The following AGPAT5 variants were observed in gnomAD, a reference collection of about 807,000 sequenced individuals.
The protein encoded by AGPAT5 is 1-acylglycerol-3-phosphate O-acyltransferase 5.
In AGPAT5, 46 loss-of-function variants were observed where a neutral mutation model predicts 45.6. The observed-to-expected ratio is 1.01, with a 90% CI of 0.80 to 1.29. AGPAT5 has a LOEUF of 1.29. Ranked by LOEUF, AGPAT5 falls within the 50% of genes most tolerant of loss-of-function variation. The pLI is 0.00. For synonymous variants in AGPAT5, 272 were observed against 167.0 expected, an observed-to-expected ratio of 1.63 and a Z score of -4.85; for missense variants, 673 against 450.7, an observed-to-expected ratio of 1.49 and a Z score of -4.47.
intron 2 of AGPAT5, among the ~76,000 whole-genome samples, chr8:6,730,141 T>G (rs1394324784): frequency 2.0e-5 from 3 of 152,074 alleles, no homozygotes; most frequent in Non-Finnish European, 4.4e-5. Context: ...AGAAGCTCAT[T>G]TTGTTCCATA....
At position 6,754,904 on chromosome 8, in the gene AGPAT5, T is replaced by A. The variant is rs966991241; in HGVS notation, c.746-147T>A. On this transcript the variant is annotated intron_variant, in intron 6 of 7. Coordinates refer to ENST00000285518, the MANE Select transcript of AGPAT5 (RefSeq NM_018361.5). ...CCACCAGTTTATAATCCTTTTTTTTTAACTTTTGTTTATTTTTCCTAAGGA... is the reference window on the plus strand; with the variant it reads ...CCACCAGTTTATAATCCTTTTTTTTAAACTTTTGTTTATTTTTCCTAAGGA... The A allele has an allele frequency of 3.1e-5, 19 of 619,558 alleles. No homozygotes were observed. In the African/African-American group the frequency reaches 3.3e-4, roughly 11 times the overall value. The allele number at this position is 619,558 out of a possible 1,614,324, so 38.4% of individuals were successfully genotyped here.
chr8:6,755,529 T>A lies in AGPAT5; in HGVS notation c.869+355T>A, dbSNP rs545522391. 7.2e-5 allele frequency among the ~76,000 whole-genome samples: 11 copies of A among 152,366 alleles called. No homozygotes were observed. The South Asian group carries it at 2.3e-3, about 32-fold the overall frequency. ...TAAAGTGGTGTTACTGTGTGAGGTC[T>A]GGCTGTTGGGCCAGTGTGCGCAGAA... On this transcript the variant is annotated intron_variant, in intron 7 of 7. Coordinates refer to ENST00000285518, the MANE Select transcript of AGPAT5 (RefSeq NM_018361.5).
At chr8:6,738,985 A>G (rs11985473) in intron 4 of AGPAT5, among the ~76,000 whole-genome samples, 1 of 152,054 alleles carries the variant, frequency 6.6e-6, no homozygotes, top group African/African-American at 2.4e-5. Flanking sequence ...ATTTATAATT[A>G]ATGTTTTCAT....
Position 6,708,884 on chromosome 8 carries a change from C to G in AGPAT5, c.216C>G (p.Val72=). 1 of 1,601,510 alleles carries G rather than the reference C, an allele frequency of 6.2e-7. No homozygotes were observed. Among genetic ancestry groups the G allele is most frequent in the South Asian group, 1.1e-5 (1 of 90,434 alleles). Residue 72 remains valine (V), a synonymous_variant, in exon 1 of 8, where the codon GTC becomes GTG. Transcript: ENST00000285518. ...VLFFFENYTG[V]QILLYGDLPK... ...TCTTCTTCGAGAATTACACCGGGGT[C>G]CAGGTGAGCCGCCTCCCGCTCCCGG...
chr8:6,747,222 G>A (rs1801505536), intron 5 of AGPAT5, among the ~76,000 whole-genome samples: 1 of 152,230 alleles, frequency 6.6e-6, no homozygotes, highest in South Asian at 2.1e-4. Context: ...ACTGAGTCCT[G>A]CAGCCACACA....
intron 2 of AGPAT5, among the ~76,000 whole-genome samples, chr8:6,727,042 G>A (rs527327048): frequency 6.6e-6 from 1 of 152,108 alleles, no homozygotes; most frequent in East Asian, 1.9e-4. Flanking sequence ...TTGTCTGATT[G>A]TGTTTAGGTA....
rs80002523 is a variant in AGPAT5, at chr8:6,746,394, A to G, written c.587-1276A>G. Among the ~76,000 whole-genome samples, 1,218 of 152,358 alleles carry G rather than the reference A, an allele frequency of 8.0e-3. 11 individuals are homozygous for G. The highest frequency in any genetic ancestry group is 0.014 in the Middle Eastern group (4 of 294). ...GATAATTCATTTCCTTTTATGTTTT[A>G]AAAATACTAGCTTTCTGTCTTTATT... On this transcript the variant is annotated intron_variant, in intron 5 of 7. Transcript: ENST00000285518.
chr8:6,745,984 C>A (rs1280778084), intron 5 of AGPAT5: 1 of 152,004 alleles, frequency 6.6e-6, no homozygotes, highest in African/African-American at 2.4e-5. Flanking sequence ...TCTCTCCCTT[C>A]CTTCTTTTCT....
At chr8:6,746,911 AAC>A (rs1404208308) in intron 5 of AGPAT5, among the ~76,000 whole-genome samples, 1 of 152,224 alleles carries the variant, frequency 6.6e-6, no homozygotes, top group Non-Finnish European at 1.5e-5. Context: ...ACAAATCCTT[AAC>A]CCTAGTAGGA....
intron 1 of AGPAT5, among the ~76,000 whole-genome samples, chr8:6,723,721 C>T: frequency 6.6e-6 from 1 of 152,216 alleles, no homozygotes; most frequent in East Asian, 1.9e-4. Context: ...ATACTACATA[C>T]ATAGCACTGT....
At chr8:6,755,410 T>C (rs1215360167) in intron 7 of AGPAT5, among the ~76,000 whole-genome samples, 1 of 152,242 alleles carries the variant, frequency 6.6e-6, no homozygotes, top group Non-Finnish European at 1.5e-5. Context: ...TGGACAATAC[T>C]ACGTGATAAC....
chr8:6,728,662 A>G (rs1356624830), intron 2 of AGPAT5, among the ~76,000 whole-genome samples: 2 of 152,162 alleles, frequency 1.3e-5, no homozygotes, highest in Admixed American at 1.3e-4. Flanking sequence ...AAAATGCTAA[A>G]CCTGGTTTTT....
intron 5 of AGPAT5, among the ~76,000 whole-genome samples, chr8:6,746,913 C>A (rs914002988): frequency 6.6e-6 from 1 of 152,294 alleles, no homozygotes; most frequent in East Asian, 1.9e-4. Flanking sequence ...AAATCCTTAA[C>A]CCTAGTAGGA....
intron 4 of AGPAT5, among the ~76,000 whole-genome samples, chr8:6,741,232 C>T (rs1801235759): frequency 1.3e-5 from 2 of 152,052 alleles, no homozygotes; most frequent in Admixed American, 1.3e-4. Context: ...ATATGATTTT[C>T]ATCAAATGAG....
chr8:6,738,483 G>T (rs1306841319), intron 4 of AGPAT5: 1 of 152,112 alleles, frequency 6.6e-6, no homozygotes, highest in East Asian at 1.9e-4. Flanking sequence ...AGAGATCACA[G>T]ATCACAATAA....
chr8:6,728,805 A>G (rs1393329098), intron 2 of AGPAT5, among the ~76,000 whole-genome samples: 1 of 152,226 alleles, frequency 6.6e-6, no homozygotes, highest in African/African-American at 2.4e-5. Context: ...GGTCGATTAT[A>G]TGGTTTCTAA....
chr8:6,748,729 T>G lies in AGPAT5; in HGVS notation c.745+901T>G, dbSNP rs566851124. On this transcript the variant is annotated intron_variant, in intron 6 of 7. Coordinates refer to ENST00000285518, the MANE Select transcript of AGPAT5 (RefSeq NM_018361.5). ...CTTGTTGGCCAGGCTGGTCTCAAAC[T>G]CCTTACCTCAGGTGATCCACGCACC... Among the ~76,000 whole-genome samples, 4 of 152,290 alleles carry G rather than the reference T, an allele frequency of 2.6e-5. No homozygotes were observed. In the South Asian group the frequency reaches 8.3e-4, roughly 32 times the overall value.
In AGPAT5 at chr8:6,760,119, T is replaced by C. The variant is rs907735345; in HGVS notation, c.*2731T>C. Among the ~76,000 whole-genome samples the C allele has an allele frequency of 4.6e-4, 70 of 152,214 alleles. No individual in the cohort carries two copies. Among genetic ancestry groups the C allele is most frequent in the African/African-American group, 1.6e-3 (68 of 41,436 alleles). On this transcript the variant is annotated 3_prime_UTR_variant, in exon 8 of 8. Transcript: ENST00000285518. ...TTTCCTTTGTTCATAATTATATTCTTTGAATAGGTCTGTGTCAATCAAGTG... is the reference window on the plus strand; with the variant it reads ...TTTCCTTTGTTCATAATTATATTCTCTGAATAGGTCTGTGTCAATCAAGTG...
intron 1 of AGPAT5, among the ~76,000 whole-genome samples, chr8:6,714,126 C>T (rs375843839): frequency 2.6e-5 from 4 of 152,170 alleles, no homozygotes; most frequent in South Asian, 2.1e-4. Context: ...TGTTGCCCAG[C>T]GTCGTCTCTG....
Sources: gnomAD v4.1 joint callset for allele counts (sites outside exome capture counted in the v4.1 genomes callset) on GRCh38, gnomAD v4.1.1 for gene constraint, MANE v1.5 for transcripts, NCBI Gene and HGNC (gene_info 2026-07-23, HGNC 2026-07-21) for gene names.